FBP2: variants seen among roughly 807,000 people sequenced by gnomAD.
The protein encoded by FBP2 is fructose-1,6-bisphosphatase isozyme 2.
Under a neutral mutation model 31.6 loss-of-function variants are expected in FBP2, and 27 were observed. That is an observed-to-expected ratio of 0.85 (90% confidence interval 0.63 to 1.18). The LOEUF is 1.18. Ranked by LOEUF, FBP2 falls within the 50% of genes most tolerant of loss-of-function variation. The pLI, the probability that FBP2 is intolerant of heterozygous loss-of-function variation, is 0.00. For missense variants in FBP2, 421 were observed against 436.1 expected (o/e 0.97, Z 0.31); for synonymous variants, 168 against 179.8 (o/e 0.93, Z 0.53).
At chr9:94,585,669 A>G (rs1827418997) in intron 2 of FBP2, among the ~76,000 whole-genome samples, 1 of 152,120 alleles carries the variant, frequency 6.6e-6, no homozygotes, top group African/African-American at 2.4e-5. Flanking sequence ...GTTGCCCAGG[A>G]TGGAGTGCAG....
intron 6 of FBP2, 129 bp from the exon 7 acceptor site, chr9:94,559,261 C>A: frequency 1.3e-6 from 1 of 744,996 alleles, no homozygotes; most frequent in South Asian, 1.9e-5. Flanking sequence ...CACCATGCAC[C>A]TTGCAAGAGT....
At chr9:94,587,980 C>T (rs1827447600) in intron 1 of FBP2, among the ~76,000 whole-genome samples, 1 of 152,174 alleles carries the variant, frequency 6.6e-6, no homozygotes, top group South Asian at 2.1e-4. Flanking sequence ...TCCGGAGTAG[C>T]TGGGACTACA....
At chr9:94,576,244 C>T (rs1338882570) in intron 3 of FBP2, among the ~76,000 whole-genome samples, 2 of 152,194 alleles carry the variant, frequency 1.3e-5, no homozygotes, top group East Asian at 3.8e-4. Flanking sequence ...GCATGCCCTC[C>T]TTAATCAAGT....
At chr9:94,586,499 CAA>C (rs1161760107) in intron 2 of FBP2, among the ~76,000 whole-genome samples, 6 of 152,186 alleles carry the variant, frequency 3.9e-5, no homozygotes, top group South Asian at 4.1e-4. Flanking sequence ...GAGAGAGAAA[CAA>C]GAGTCATATC....
chr9:94,592,901 C>T (rs1489776273), intron 1 of FBP2, among the ~76,000 whole-genome samples: 1 of 152,180 alleles, frequency 6.6e-6, no homozygotes, highest in African/African-American at 2.4e-5. Context: ...TAATGTGAAC[C>T]TGGCCTCATC....
intron 6 of FBP2, among the ~76,000 whole-genome samples, chr9:94,560,568 G>A (rs569513307): frequency 1.7e-4 from 26 of 152,016 alleles, no homozygotes; most frequent in South Asian, 6.2e-4. Context: ...ATCACCTTAC[G>A]AAATGGTTGA....
intron 4 of FBP2, chr9:94,568,055 G>C (rs1045733868): frequency 2.0e-5 from 3 of 151,138 alleles, no homozygotes; most frequent in African/African-American, 4.9e-5. Flanking sequence ...GTGAACCCGG[G>C]AGGCAGAGCT....
chr9:94,571,660 G>C, intron 3 of FBP2, 58 bp from the exon 4 acceptor site: 1 of 1,494,360 alleles, frequency 6.7e-7, no homozygotes, highest in Middle Eastern at 1.8e-4. Context: ...AGAACACTTT[G>C]CCAGGGGCCT....
At chr9:94,579,618 G>A (rs72745245) in intron 3 of FBP2, among the ~76,000 whole-genome samples, 640 of 152,216 alleles carry the variant, frequency 4.2e-3, no homozygotes, top group Non-Finnish European at 8.3e-3. Context: ...AGCCCCCTAT[G>A]TTTAAAGCAA....
intron 1 of FBP2, 116 bp downstream of exon 1, chr9:94,593,441 G>A (rs920683879): frequency 2.4e-5 from 22 of 909,952 alleles, no homozygotes; most frequent in Non-Finnish European, 3.5e-5. Flanking sequence ...CTTCCATCTA[G>A]GGCACACAGG....
chr9:94,566,003 T>G (rs184608227), intron 5 of FBP2, among the ~76,000 whole-genome samples: 2 of 152,316 alleles, frequency 1.3e-5, no homozygotes, highest in Admixed American at 1.3e-4. Context: ...GCCACAGTTT[T>G]AGCAGAAAAA....
Position 94,579,454 on chromosome 9 carries a change from A to G in FBP2, c.426+5123T>C, listed in dbSNP as rs114139533. 8.5e-4 allele frequency among the ~76,000 whole-genome samples: 129 copies of G among 151,564 alleles called. 1 individual carries two copies. The highest frequency in any genetic ancestry group is 3.0e-3 in the African/African-American group (126 of 41,440). On this transcript the variant is annotated intron_variant, in intron 3 of 6. Coordinates refer to ENST00000375337, the MANE Select transcript of FBP2 (RefSeq NM_003837.4). ...GTAAATTCTTGTCCTAAAAATAATGACTGATATCTAAAGAAACAAAATTCA... is the reference window on the plus strand; with the variant it reads ...GTAAATTCTTGTCCTAAAAATAATGGCTGATATCTAAAGAAACAAAATTCA...
Position 94,567,414 on chromosome 9 carries a change from A to G in FBP2, c.568-7T>C. 2.5e-6 allele frequency: 4 copies of G among 1,613,420 alleles called. No homozygotes were observed. Among genetic ancestry groups the G allele is most frequent in the Non-Finnish European group, 3.4e-6 (4 of 1,179,960 alleles). On this transcript the variant is annotated splice_polypyrimidine_tract_variant and splice_region_variant and intron_variant, in intron 4 of 6. Transcript: ENST00000375337. ...GGACAAATTCACCAAGAGCCTAGCA[A>G]CATGAAGAGAGATGCCAGGAAGAAG...
At chr9:94,587,925 T>A (rs142204866) in intron 1 of FBP2, among the ~76,000 whole-genome samples, 1,584 of 152,244 alleles carry the variant, frequency 0.01, 6 homozygotes, top group Non-Finnish European at 0.015. Context: ...CTCTGCTCAC[T>A]GCAAGCTCCG....
rs1827267587 is a variant in FBP2 at position 94,571,457 on chromosome 9, C to A, written c.567+5G>T. The A allele has an allele frequency of 6.2e-7, 1 of 1,607,654 alleles. No individual in the cohort carries two copies. On this transcript the variant is annotated splice_donor_5th_base_variant and intron_variant, in intron 4 of 6. Transcript: ENST00000375337. ...GGCACAGATGATGCCATATTCTGTA[C>A]CTACCGGGTCAAGCATGAAGAGGTC...
intron 3 of FBP2, among the ~76,000 whole-genome samples, chr9:94,581,931 A>AAGGGTTAGTCACTCACTCCTATTTTGAAG (rs1827375970): frequency 1.5e-5 from 2 of 137,294 alleles, no homozygotes; most frequent in Non-Finnish European, 3.2e-5. Context: ...CACGCCAGGC[A>AAGGGTTAGTCACTCACTCCTATTTTGAAG]AGGGTTAGTC....
intron 3 of FBP2, among the ~76,000 whole-genome samples, chr9:94,580,788 T>A (rs1420588896): frequency 6.6e-6 from 1 of 152,188 alleles, no homozygotes; most frequent in Non-Finnish European, 1.5e-5. Flanking sequence ...AAAAAGGCCC[T>A]TATCAGGTAC....
At chr9:94,560,222 G>T (rs1460394092) in intron 6 of FBP2, among the ~76,000 whole-genome samples, 1 of 152,196 alleles carries the variant, frequency 6.6e-6, no homozygotes, top group African/African-American at 2.4e-5. Flanking sequence ...TGCCCTGCTT[G>T]CCAGTCTCTG....
intron 1 of FBP2, among the ~76,000 whole-genome samples, chr9:94,590,936 C>T (rs1412539561): frequency 2.6e-5 from 4 of 152,242 alleles, no homozygotes; most frequent in African/African-American, 9.6e-5. Context: ...AAGGCCCCAC[C>T]AGAGCAGCTA....
Sources: gnomAD v4.1 joint callset for allele counts (sites outside exome capture counted in the v4.1 genomes callset) on GRCh38, gnomAD v4.1.1 for gene constraint, MANE v1.5 for transcripts, NCBI Gene and HGNC (gene_info 2026-07-23, HGNC 2026-07-21) for gene names.